NRL: variants seen among roughly 807,000 people sequenced by gnomAD.
NRL encodes the protein neural retina leucine zipper.
NRL carries 16 observed loss-of-function variants against 12.5 expected under a neutral mutation model. The observed-to-expected ratio is 1.28, with a 90% CI of 0.87 to 1.95. The LOEUF (loss-of-function observed/expected upper bound fraction) is 1.95. NRL is among the 30% of genes most tolerant of loss of function. The pLI, the probability that NRL is intolerant of heterozygous loss-of-function variation, is 0.00. For synonymous variants in NRL, 142 were observed against 150.9 expected (o/e 0.94, Z 0.43); for missense variants, 314 against 325.8 (o/e 0.96, Z 0.28).
At chr14:24,103,604 C>T in intron 1 of NRL, 1 of 1,612,558 alleles carries the variant, frequency 6.2e-7, no homozygotes, top group South Asian at 1.1e-5. Flanking sequence ...TGGAAGGGCG[C>T]AAGGGGGCCC....
At chr14:24,098,464 T>A in intron 1 of NRL, 1 of 1,613,864 alleles carries the variant, frequency 6.2e-7, no homozygotes, top group Non-Finnish European at 8.5e-7. Context: ...AGGGGATGCC[T>A]TCCTCCACAG....
In NRL at chr14:24,114,908, G is replaced by C. The variant is rs1483847746; in HGVS notation, c.-214C>G. On this transcript the variant is annotated 5_prime_UTR_variant, in exon 1 of 3. Coordinates refer to ENST00000561028, the MANE Select transcript of NRL (RefSeq NM_001354768.3). Reference sequence around the variant, plus strand: ...AAGGCCTCGCGCCGCTGCGGGTCCTGCGACCGCTCCTGGCTGGTGGGTGGT... The same window carrying C: ...AAGGCCTCGCGCCGCTGCGGGTCCTCCGACCGCTCCTGGCTGGTGGGTGGT... 2 of 985,884 alleles carry C rather than the reference G, an allele frequency of 2.0e-6. No individual in the cohort carries two copies. The allele number at this position is 985,884 out of a possible 1,614,324, so 61.1% of individuals were successfully genotyped here. A position where few individuals can be genotyped will look rare whatever the true frequency, so the allele number is the denominator to read the frequency against.
At chr14:24,097,540 G>A (rs1241846819) in intron 1 of NRL, among the ~76,000 whole-genome samples, 2 of 151,400 alleles carry the variant, frequency 1.3e-5, no homozygotes, top group Non-Finnish European at 2.9e-5. Context: ...CTCCAGCCTG[G>A]GCAATAAGAG....
chr14:24,082,719 A>C lies in NRL; in HGVS notation c.130T>G (p.Tyr44Asp). 1 of 1,614,174 alleles carries C rather than the reference A, an allele frequency of 6.2e-7. No individual in the cohort carries two copies. The highest frequency in any genetic ancestry group is 1.1e-5 in the South Asian group (1 of 91,086). ...GTGGGTGAAGGAGGCACTGAGCTGT[A>C]AGGTGTGGAGCCCAGTGAGGCTGTA... ...PPTASLGSTPYSSVPPSPTFS... is the reference protein window; with the variant it reads ...PPTASLGSTPDSSVPPSPTFS... The change falls in exon 2 of 3, where the codon TAC (tyrosine) becomes GAC (aspartate). Residue 44 changes from tyrosine to aspartate, a missense_variant. Coordinates refer to ENST00000561028, the MANE Select transcript of NRL (RefSeq NM_001354768.3).
At chr14:24,113,533 T>C (rs372771171) in intron 1 of NRL, among the ~76,000 whole-genome samples, 20 of 152,318 alleles carry the variant, frequency 1.3e-4, no homozygotes, top group South Asian at 1.0e-3. Flanking sequence ...AATCTGGCAA[T>C]AGAGGATGGG....
At position 24,098,700 on chromosome 14, in the gene NRL, AG is replaced by A; in HGVS notation, c.-27-15826del. The A allele has an allele frequency of 3.1e-6, 5 of 1,599,776 alleles. 1 individual carries two copies. The highest frequency in any genetic ancestry group is 3.4e-6 in the Non-Finnish European group (4 of 1,168,586). Reference sequence around the variant, plus strand: ...CAAGGTAAGCACCTGCTCTGCCCCAAGGGGAACACAGAGGCCTTCTTGTACT... The same window carrying A: ...CAAGGTAAGCACCTGCTCTGCCCCAAGGGAACACAGAGGCCTTCTTGTACT... On this transcript the variant is annotated intron_variant, in intron 1 of 2. Coordinates refer to ENST00000561028, the MANE Select transcript of NRL (RefSeq NM_001354768.3).
chr14:24,094,686 C>T lies in NRL; in HGVS notation c.-27-11811G>A, dbSNP rs2036779097. On this transcript the variant is annotated intron_variant, in intron 1 of 2. Transcript: ENST00000561028. This position sits in a 1 kb window ranked among gnomAD's most constrained non-coding sequence, Gnocchi z 4.1. ...TCGCCTCTGACCGCGCGATCTCTAT[C>T]TGCCACTCTCAGAACTTCCTCTCTC... 2.6e-6 allele frequency: 4 copies of T among 1,521,422 alleles called. No homozygotes were observed. The highest frequency in any genetic ancestry group is 2.0e-5 in the Admixed American group (1 of 50,342). 94.2% of individuals were successfully genotyped at this position (1,521,422 alleles called of 1,614,324 possible). A position where few individuals can be genotyped will look rare whatever the true frequency, so the allele number is the denominator to read the frequency against.
chr14:24,081,917 C>A lies in NRL; in HGVS notation c.382-349G>T, dbSNP rs1001443192. On this transcript the variant is annotated intron_variant, in intron 2 of 2. Coordinates refer to ENST00000561028, the MANE Select transcript of NRL (RefSeq NM_001354768.3). This position sits in a 1 kb window ranked among gnomAD's most constrained non-coding sequence, Gnocchi z 4.4. ...TCCAGTGGACCCGCACCCAGACAGC[C>A]CCCAACCCTCCAACGCGCTGCGTTT... The A allele has an allele frequency of 3.9e-6, 5 of 1,291,028 alleles. No homozygotes were observed. In the African/African-American group the frequency reaches 4.7e-5, roughly 12 times the overall value. The allele number at this position is 1,291,028 out of a possible 1,614,324, so 80.0% of individuals were successfully genotyped here. A position where few individuals can be genotyped will look rare whatever the true frequency, so the allele number is the denominator to read the frequency against.
intron 1 of NRL, chr14:24,095,391 C>T: frequency 2.7e-6 from 1 of 377,294 alleles, no homozygotes; most frequent in South Asian, 1.9e-5. Flanking sequence ...CCCAGTAGCC[C>T]TCCTCCCCTG....
At position 24,094,943 on chromosome 14, in the gene NRL, C is replaced by A; in HGVS notation, c.-27-12068G>T. 2 of 1,039,880 alleles carry A rather than the reference C, an allele frequency of 1.9e-6. No homozygotes were observed. The highest frequency in any genetic ancestry group is 2.5e-5 in the Admixed American group (1 of 40,412). The allele number at this position is 1,039,880 out of a possible 1,614,324, so 64.4% of individuals were successfully genotyped here. On this transcript the variant is annotated intron_variant, in intron 1 of 2. Coordinates refer to ENST00000561028, the MANE Select transcript of NRL (RefSeq NM_001354768.3). This position sits in a 1 kb window ranked among gnomAD's most constrained non-coding sequence, Gnocchi z 4.1. ...TCTCCCGGACTGGAAGGACTGGAAC[C>A]TGGCGGGAAGTCCAGAGCAGCCCGA...
chr14:24,114,844 G>A lies in NRL; in HGVS notation c.-150C>T. ...GTGACGAGCGAAGCGCGTGACGGAGGAGCGGTTGGCCAACGCAGTGGCGGC... is the reference window on the plus strand; with the variant it reads ...GTGACGAGCGAAGCGCGTGACGGAGAAGCGGTTGGCCAACGCAGTGGCGGC... On this transcript the variant is annotated 5_prime_UTR_variant, in exon 1 of 3. Transcript: ENST00000561028. 1.0e-6 allele frequency: 1 copy of A among 985,964 alleles called. No homozygotes were observed. Among genetic ancestry groups the A allele is most frequent in the Non-Finnish European group, 1.2e-6 (1 of 829,958 alleles). 61.1% of individuals were successfully genotyped at this position (985,964 alleles called of 1,614,324 possible). A position where few individuals can be genotyped will look rare whatever the true frequency, so the allele number is the denominator to read the frequency against.
At chr14:24,095,028 C>T (rs1384688075) in intron 1 of NRL, 3 of 449,022 alleles carry the variant, frequency 6.7e-6, no homozygotes, top group African/African-American at 2.0e-5. Context: ...AAGTTGCCTT[C>T]GTTTCTTACA....
chr14:24,103,464 C>T lies in NRL; in HGVS notation c.-28+11258G>A, dbSNP rs746996349. 1.3e-5 allele frequency: 19 copies of T among 1,479,702 alleles called. No homozygotes were observed. The African/African-American group carries it at 2.7e-4, about 21-fold the overall frequency. The allele number at this position is 1,479,702 out of a possible 1,614,324, so 91.7% of individuals were successfully genotyped here. A position where few individuals can be genotyped will look rare whatever the true frequency, so the allele number is the denominator to read the frequency against. On this transcript the variant is annotated intron_variant, in intron 1 of 2. Transcript: ENST00000561028. ...ACTGGATGCAGGGTGCCCTTCCCTA[C>T]CCCAGTGAGAAGGAAGATTCCTTAC...
At chr14:24,109,697 CAAAAAAA>C (rs1227097594) in intron 1 of NRL, among the ~76,000 whole-genome samples, 1 of 66,340 alleles carries the variant, frequency 1.5e-5, no homozygotes, top group African/African-American at 5.7e-5. Context: ...GACTCCATCT[CAAAAAAA>C]AAAAAAAAAA....
Position 24,081,704 on chromosome 14 carries a change from A to G in NRL, c.382-136T>C, listed in dbSNP as rs10136311. 6,323 of 1,524,790 alleles carry G rather than the reference A, an allele frequency of 4.1e-3. 125 individuals carry two copies. The African/African-American group carries it at 0.053, about 13-fold the overall frequency. The allele number at this position is 1,524,790 out of a possible 1,614,324, so 94.5% of individuals were successfully genotyped here. A position where few individuals can be genotyped will look rare whatever the true frequency, so the allele number is the denominator to read the frequency against. ...CCTTCACCGGAAGGCTCGCCCTTCC[A>G]CGCAGTCTGTTTCGGTCCAGAGCCC... On this transcript the variant is annotated intron_variant, in intron 2 of 2. Coordinates refer to ENST00000561028, the MANE Select transcript of NRL (RefSeq NM_001354768.3). This position sits in a 1 kb window ranked among gnomAD's most constrained non-coding sequence, Gnocchi z 4.4.
chr14:24,088,767 T>A (rs2036531270), intron 1 of NRL, among the ~76,000 whole-genome samples: 1 of 150,926 alleles, frequency 6.6e-6, no homozygotes, highest in Non-Finnish European at 1.5e-5. Flanking sequence ...TGGCTCAGCC[T>A]ATCAAGTAGC....
chr14:24,107,265 G>A (rs1057420652), intron 1 of NRL, among the ~76,000 whole-genome samples: 14 of 151,896 alleles, frequency 9.2e-5, no homozygotes, highest in African/African-American at 3.4e-4. Flanking sequence ...AGAATAAAAT[G>A]GGGCTGCATG....
Position 24,094,051 on chromosome 14 carries a change from C to CTGGGAGGGCGGTGGCGGA in NRL, c.-27-11194_-27-11177dup. 1 of 538,856 alleles carries CTGGGAGGGCGGTGGCGGA rather than the reference C, an allele frequency of 1.9e-6. No individual in the cohort carries two copies. The highest frequency in any genetic ancestry group is 3.3e-6 in the Non-Finnish European group (1 of 307,458). 33.4% of individuals were successfully genotyped at this position (538,856 alleles called of 1,614,324 possible). ...GTCCTCAAAGTTACATCATGTGCGGCTGGGAGGGCGGTGGCGGATGGGGGG... is the reference window on the plus strand; with the variant it reads ...GTCCTCAAAGTTACATCATGTGCGGCTGGGAGGGCGGTGGCGGATGGGAGGGCGGTGGCGGATGGGGGG... On this transcript the variant is annotated intron_variant, in intron 1 of 2. Coordinates refer to ENST00000561028, the MANE Select transcript of NRL (RefSeq NM_001354768.3). This position sits in a 1 kb window ranked among gnomAD's most constrained non-coding sequence, Gnocchi z 4.1.
At chr14:24,113,217 T>C (rs1055267394) in intron 1 of NRL, among the ~76,000 whole-genome samples, 2 of 106,814 alleles carry the variant, frequency 1.9e-5, no homozygotes, top group Non-Finnish European at 3.8e-5. Flanking sequence ...TATCACACTC[T>C]GGGGACTGTG....
Sources: gnomAD v4.1 joint callset for allele counts (sites outside exome capture counted in the v4.1 genomes callset) on GRCh38, gnomAD v4.1.1 for gene constraint, Gnocchi (gnomAD v3.1) non-coding constraint, MANE v1.5 for transcripts, NCBI Gene and HGNC (gene_info 2026-07-23, HGNC 2026-07-21) for gene names.